The following CACHD1 variants were observed in gnomAD, a reference collection of about 807,000 sequenced individuals.
The protein encoded by CACHD1 is VWFA and cache domain-containing protein 1.
CACHD1 carries 71 observed loss-of-function variants against 138.7 expected under a neutral mutation model. The ratio of observed to expected loss-of-function variants is 0.51; its 90% CI spans 0.42 to 0.62. The LOEUF (loss-of-function observed/expected upper bound fraction) is 0.62, where lower values mean the gene tolerates loss of function less well. CACHD1 is among the 20% of genes least tolerant of loss of function. The pLI is 0.00. For synonymous variants in CACHD1, 578 were observed against 591.5 expected, an observed-to-expected ratio of 0.98 and a Z score of 0.33; for missense variants, 1,389 against 1,625.3, an observed-to-expected ratio of 0.85 and a Z score of 2.50.
intron 1 of CACHD1, among the ~76,000 whole-genome samples, chr1:64,513,831 T>A (rs1646439707): frequency 6.6e-6 from 1 of 152,206 alleles, no homozygotes; most frequent in Admixed American, 6.5e-5. Flanking sequence ...ATGCCAGATC[T>A]GCTAGTTTTT....
At position 64,647,667 on chromosome 1, in the gene CACHD1, CTATGTGGT is replaced by C. The variant is rs1406431016; in HGVS notation, c.1157-133_1157-126del. On this transcript the variant is annotated intron_variant, in intron 8 of 26. Coordinates refer to ENST00000651257, the MANE Select transcript of CACHD1 (RefSeq NM_020925.4). ...AGGAACTGGTATTTGTGTCCAGAGT[CTATGTGGT>C]CTCTGCAAAAACCCCTTTGGTATTA... 5.7e-5 allele frequency: 38 copies of C among 660,904 alleles called. No individual in the cohort carries two copies. The Admixed American group carries it at 1.0e-3, about 18-fold the overall frequency. 40.9% of individuals were successfully genotyped at this position (660,904 alleles called of 1,614,324 possible).
At chr1:64,477,805 T>G (rs2100265908) in intron 1 of CACHD1, among the ~76,000 whole-genome samples, 1 of 148,518 alleles carries the variant, frequency 6.7e-6, no homozygotes, top group East Asian at 2.0e-4. Flanking sequence ...CGGCTAATTT[T>G]TTGTATTTTT....
intron 26 of CACHD1, among the ~76,000 whole-genome samples, chr1:64,687,347 C>T (rs1457014702): frequency 2.6e-5 from 4 of 152,268 alleles, no homozygotes; most frequent in Middle Eastern, 3.4e-3. Flanking sequence ...ATTCCCTTCT[C>T]CCCTGACCTC....
At chr1:64,689,872 A>T (rs1400834807) in intron 26 of CACHD1, among the ~76,000 whole-genome samples, 2 of 152,216 alleles carry the variant, frequency 1.3e-5, no homozygotes, top group African/African-American at 4.8e-5. Flanking sequence ...AGAATTAGAT[A>T]TTCCCTCTTC....
intron 4 of CACHD1, 93 bp from the exon 5 acceptor site, chr1:64,629,262 A>G: frequency 7.2e-7 from 1 of 1,382,300 alleles, no homozygotes; most frequent in South Asian, 1.4e-5. Context: ...TCTTCATACT[A>G]GAAGCAGTTT....
intron 4 of CACHD1, among the ~76,000 whole-genome samples, chr1:64,624,161 T>G (rs1463091283): frequency 6.6e-6 from 1 of 152,228 alleles, no homozygotes; most frequent in Non-Finnish European, 1.5e-5. Context: ...CATCTTCTGC[T>G]AGTACCAAAT....
chr1:64,600,549 G>A (rs996248431), intron 3 of CACHD1, among the ~76,000 whole-genome samples: 1 of 152,180 alleles, frequency 6.6e-6, no homozygotes, highest in Non-Finnish European at 1.5e-5. Context: ...CCTGGATGGT[G>A]TGGATGGTCA....
chr1:64,482,682 CA>C (rs1646218127), intron 1 of CACHD1, among the ~76,000 whole-genome samples: 1 of 152,136 alleles, frequency 6.6e-6, no homozygotes, highest in African/African-American at 2.4e-5. Flanking sequence ...CTGTAGTCTT[CA>C]GGGGGGTTAG....
At chr1:64,613,375 T>A (rs902745173) in intron 4 of CACHD1, 6 of 151,824 alleles carry the variant, frequency 4.0e-5, no homozygotes, top group Non-Finnish European at 8.8e-5. Context: ...TATAAAAAAA[T>A]AAAAATATAA....
At chr1:64,663,318 C>T (rs532746933) in intron 13 of CACHD1, among the ~76,000 whole-genome samples, 37 of 152,196 alleles carry the variant, frequency 2.4e-4, no homozygotes, top group African/African-American at 8.7e-4. Flanking sequence ...TTTGGGAGGA[C>T]GAGACAGGTG....
chr1:64,557,122 A>G (rs898568551), intron 2 of CACHD1, among the ~76,000 whole-genome samples: 2 of 12,322 alleles, frequency 1.6e-4, no homozygotes, highest in East Asian at 5.4e-3. Context: ...CTCCATCTCG[A>G]AAAAAAAAAA....
intron 2 of CACHD1, among the ~76,000 whole-genome samples, chr1:64,565,429 TA>T: frequency 6.6e-6 from 1 of 152,132 alleles, no homozygotes; most frequent in Middle Eastern, 3.2e-3. Context: ...AGGACCAGAG[TA>T]AACAGGGGGC....
intron 5 of CACHD1, among the ~76,000 whole-genome samples, chr1:64,630,881 A>G (rs1038591504): frequency 1.3e-5 from 2 of 152,226 alleles, no homozygotes; most frequent in African/African-American, 2.4e-5. Flanking sequence ...TCTCCACCCT[A>G]AATCTGCACT....
chr1:64,495,533 G>A (rs901748599), intron 1 of CACHD1, among the ~76,000 whole-genome samples: 1 of 152,120 alleles, frequency 6.6e-6, no homozygotes, highest in African/African-American at 2.4e-5. Context: ...ACACAAAAGG[G>A]TATGTCCCCA....
chr1:64,682,238 G>A (rs753066128), intron 26 of CACHD1, 132 bp downstream of exon 26: 8 of 750,160 alleles, frequency 1.1e-5, no homozygotes, highest in East Asian at 5.4e-5. Flanking sequence ...ATAAGAGCCC[G>A]AGGACAGTTT....
chr1:64,640,684 T>G (rs1648677386), intron 7 of CACHD1, among the ~76,000 whole-genome samples: 1 of 93,922 alleles, frequency 1.1e-5, no homozygotes, highest in Non-Finnish European at 2.1e-5. Context: ...AAAATATATA[T>G]ATATACAGAC....
chr1:64,597,521 GTTGTTTTTTT>G (rs1647164157), intron 3 of CACHD1, among the ~76,000 whole-genome samples: 1 of 63,856 alleles, frequency 1.6e-5, no homozygotes, highest in African/African-American at 6.6e-5. Flanking sequence ...TTTTTTTTTT[GTTGTTTTTTT>G]TTTTTTTTTT....
Position 64,669,702 on chromosome 1 carries a change from T to TC in CACHD1, c.2388-1860dup, listed in dbSNP as rs532801068. Among the ~76,000 whole-genome samples, 286 of 152,106 alleles carry TC rather than the reference T, an allele frequency of 1.9e-3. 2 individuals are homozygous for TC. Among genetic ancestry groups the TC allele is most frequent in the African/African-American group, 6.8e-3 (281 of 41,444 alleles). On this transcript the variant is annotated intron_variant, in intron 16 of 26. Coordinates refer to ENST00000651257, the MANE Select transcript of CACHD1 (RefSeq NM_020925.4). Reference sequence around the variant, plus strand: ...ATAGGTTTGGTGTGATTTTTTTTTTTCCAGTATCATTCTTTATGAGTTGCT... The same window carrying TC: ...ATAGGTTTGGTGTGATTTTTTTTTTTCCCAGTATCATTCTTTATGAGTTGCT...
intron 19 of CACHD1, among the ~76,000 whole-genome samples, chr1:64,674,321 T>G (rs184953338): frequency 3.9e-5 from 6 of 152,282 alleles, no homozygotes; most frequent in Non-Finnish European, 8.8e-5. Context: ...AAGCACTGTT[T>G]TTAAAGGAGA....
Sources: allele counts gnomAD v4.1 joint callset (sites outside exome capture counted in the v4.1 genomes callset), GRCh38; gene constraint gnomAD v4.1.1; transcripts MANE v1.5; gene names NCBI Gene and HGNC (gene_info 2026-07-23, HGNC 2026-07-21).